ABL1: variants seen among roughly 807,000 people sequenced by gnomAD.
ABL1 encodes ABL proto-oncogene 1, non-receptor tyrosine kinase.
ABL1 carries 11 observed loss-of-function variants against 94.7 expected under a neutral mutation model. That is an observed-to-expected ratio of 0.12 (90% CI 0.07 to 0.19). The LOEUF (loss-of-function observed/expected upper bound fraction) is 0.19, where lower values mean the gene tolerates loss of function less well. Ranked by LOEUF, ABL1 falls within the 10% of genes least tolerant of loss-of-function variation. The probability of loss-of-function intolerance (pLI) is 1.00; values close to 1 mark genes in which losing one functional copy is unlikely to be tolerated. For synonymous variants in ABL1, 656 were observed against 622.4 expected (o/e 1.05, Z -0.80); for missense variants, 1,082 against 1,489.4 (o/e 0.73, Z 4.50).
rs189614934 is a variant in ABL1 at position 130,766,077 on chromosome 9, G to A, written c.136+51622G>A. On this transcript the variant is annotated intron_variant, in intron 1 of 10. Transcript: ENST00000372348. ...GGGTGCAGGTCATCGCCCACGACCTGTTTCCCAGGCTTGCAGAGAAACTGC... is the reference window on the plus strand; with the variant it reads ...GGGTGCAGGTCATCGCCCACGACCTATTTCCCAGGCTTGCAGAGAAACTGC... Among the ~76,000 whole-genome samples the A allele has an allele frequency of 3.4e-3, 513 of 152,338 alleles. 2 individuals are homozygous for A. The highest frequency in any genetic ancestry group is 6.1e-3 in the Non-Finnish European group (413 of 68,034).
Position 130,884,384 on chromosome 9 carries a change from A to G in ABL1, c.2094A>G (p.Leu698=), listed in dbSNP as rs1387404749. The change falls in exon 11 of 11, where the codon CTA becomes CTG. Residue 698 remains leucine, a synonymous_variant. Transcript: ENST00000318560. This position sits in a 1 kb window ranked among gnomAD's most constrained non-coding sequence, Gnocchi z 5.6. ...KKSSTLTSSR[L]ATGEEEGGGS... is the part of the protein sequence containing the mutation. ...CCAGCACGCTGACCAGCAGCCGCCT[A>G]GCCACCGGCGAGGAGGAGGGCGGTG... is the stretch of plus-strand genomic sequence containing the variant. The G allele has an allele frequency of 6.2e-7, 1 of 1,612,048 alleles. No homozygotes were observed. The highest frequency in any genetic ancestry group is 8.5e-7 in the Non-Finnish European group (1 of 1,179,862).
chr9:130,856,299 G>A (rs1233928789), intron 3 of ABL1, among the ~76,000 whole-genome samples: 1 of 152,116 alleles, frequency 6.6e-6, no homozygotes, highest in Non-Finnish European at 1.5e-5. Flanking sequence ...TGTTGGTCAG[G>A]CTGGTCTCAA....
At chr9:130,724,631 G>GA (rs1011083535) in intron 1 of ABL1, among the ~76,000 whole-genome samples, 2 of 149,496 alleles carry the variant, frequency 1.3e-5, no homozygotes, top group African/African-American at 4.9e-5. Context: ...CCAACATGGT[G>GA]AAAACCCATC....
rs1386771457 is a variant in ABL1, at chr9:130,734,786, C to T, written c.136+20331C>T. On this transcript the variant is annotated intron_variant, in intron 1 of 10. Coordinates refer to the ABL1 transcript ENST00000372348. The stretch of plus-strand genomic sequence containing the variant: ...ATCTACCCGCCTCAGCCTCCCAAAG[C>T]GGTGCAATTACAAGTGTGAGCCACT... 2.7e-5 allele frequency among the ~76,000 whole-genome samples: 4 copies of T among 150,156 alleles called. No individual in the cohort carries two copies. In the East Asian group the frequency reaches 6.0e-4, roughly 22 times the overall value.
chr9:130,798,072 A>G (rs1238787297), intron 1 of ABL1, among the ~76,000 whole-genome samples: 1 of 152,242 alleles, frequency 6.6e-6, no homozygotes, highest in Admixed American at 6.5e-5. Context: ...TTGTTCTGTC[A>G]AATACTTTTT....
intron 1 of ABL1, among the ~76,000 whole-genome samples, chr9:130,730,083 G>A (rs1191356586): frequency 8.1e-6 from 1 of 123,650 alleles, no homozygotes; most frequent in Admixed American, 9.6e-5. Flanking sequence ...TGCTCTTGTT[G>A]CCCACGCTGG....
At chr9:130,798,042 A>C (rs1588242773) in intron 1 of ABL1, among the ~76,000 whole-genome samples, 1 of 152,346 alleles carries the variant, frequency 6.6e-6, no homozygotes, top group East Asian at 1.9e-4. Flanking sequence ...AGAAGTAGGC[A>C]AAAGATTAGT....
intron 1 of ABL1, among the ~76,000 whole-genome samples, chr9:130,737,936 T>C (rs1022438695): frequency 1.1e-4 from 16 of 151,786 alleles, no homozygotes; most frequent in African/African-American, 3.4e-4. Context: ...GTTCAAGATA[T>C]TCTCCTGCCT....
intron 1 of ABL1, among the ~76,000 whole-genome samples, chr9:130,813,561 C>CAAAAAAAAAAA (rs57194587): frequency 1.6e-5 from 1 of 60,668 alleles, no homozygotes; most frequent in African/African-American, 5.6e-5. Flanking sequence ...ACTCCATCTC[C>CAAAAAAAAAAA]AAAAAAAAAA....
chr9:130,769,998 C>T (rs930363187), intron 1 of ABL1, among the ~76,000 whole-genome samples: 2 of 152,108 alleles, frequency 1.3e-5, no homozygotes, highest in African/African-American at 2.4e-5. Context: ...GAGTCAACCA[C>T]GTTGTTGCAT....
At chr9:130,746,871 T>A (rs1831894958) in intron 1 of ABL1, among the ~76,000 whole-genome samples, 1 of 152,156 alleles carries the variant, frequency 6.6e-6, no homozygotes, top group South Asian at 2.1e-4. Flanking sequence ...CTTCCACTGT[T>A]CTGGAGGCCA....
rs867057237 is a variant in ABL1 at position 130,730,372 on chromosome 9, A to G, written c.136+15917A>G. The stretch of plus-strand genomic sequence containing the variant: ...CCAGACTTTTAAATGTTAGCCTTGC[A>G]GGTAGTTGTGCAGTAGTATCTCCCA... On this transcript the variant is annotated intron_variant, in intron 1 of 10. Coordinates refer to the ABL1 transcript ENST00000372348. 3.3e-5 allele frequency among the ~76,000 whole-genome samples: 5 copies of G among 152,064 alleles called. No individual in the cohort carries two copies. In the South Asian group the frequency reaches 1.0e-3, roughly 32 times the overall value.
At chr9:130,757,052 C>T (rs1018417564) in intron 1 of ABL1, among the ~76,000 whole-genome samples, 12 of 152,176 alleles carry the variant, frequency 7.9e-5, no homozygotes, top group African/African-American at 2.2e-4. Flanking sequence ...CCCTTCCAGC[C>T]GTCTGTGAGA....
intron 1 of ABL1, among the ~76,000 whole-genome samples, chr9:130,815,642 C>G (rs769739335): frequency 1.3e-5 from 2 of 152,170 alleles, no homozygotes; most frequent in Non-Finnish European, 2.9e-5. Flanking sequence ...CTTCTCCCTA[C>G]AGCAGCCAGA....
intron 1 of ABL1, among the ~76,000 whole-genome samples, chr9:130,786,508 C>T (rs1829828106): frequency 6.6e-6 from 1 of 152,190 alleles, no homozygotes; most frequent in African/African-American, 2.4e-5. Context: ...TAAATTTTCC[C>T]TATTGAAATG....
intron 1 of ABL1, among the ~76,000 whole-genome samples, chr9:130,806,208 G>A (rs1271887950): frequency 6.6e-6 from 1 of 152,184 alleles, no homozygotes; most frequent in Non-Finnish European, 1.5e-5. Flanking sequence ...ACCATCCTTA[G>A]GAGGTAGGTC....
chr9:130,723,941 A>G (rs1027325149), intron 1 of ABL1, among the ~76,000 whole-genome samples: 24 of 151,540 alleles, frequency 1.6e-4, no homozygotes, highest in Non-Finnish European at 3.5e-4. Context: ...CCTCCCGAGT[A>G]GCTAGGACTA....
chr9:130,749,312 A>C (rs1053217113), intron 1 of ABL1, among the ~76,000 whole-genome samples: 1 of 152,252 alleles, frequency 6.6e-6, no homozygotes, highest in Non-Finnish European at 1.5e-5. Flanking sequence ...AACGGATACT[A>C]TAAATGACAT....
intron 4 of ABL1, among the ~76,000 whole-genome samples, chr9:130,871,721 G>A (rs1172958913): frequency 6.6e-6 from 1 of 152,210 alleles, no homozygotes; most frequent in East Asian, 1.9e-4. Flanking sequence ...ATGTTTTTTA[G>A]GCTGAGTGTG....
Sources: gnomAD v4.1 joint callset for allele counts (sites outside exome capture counted in the v4.1 genomes callset) on GRCh38, gnomAD v4.1.1 for gene constraint, Gnocchi (gnomAD v3.1) non-coding constraint, MANE v1.5 for transcripts, NCBI Gene and HGNC (gene_info 2026-07-23, HGNC 2026-07-21) for gene names.